The following IRF5 variants were observed in gnomAD, a reference collection of about 807,000 sequenced individuals.
IRF5 encodes interferon regulatory factor 5.
A neutral mutation model predicts 55.1 loss-of-function variants in IRF5; 24 were observed. The observed-to-expected ratio is 0.44, with a 90% confidence interval of 0.32 to 0.61. The LOEUF (loss-of-function observed/expected upper bound fraction) is 0.61, where lower values mean the gene tolerates loss of function less well. Among genes scored for constraint, IRF5 ranks in the 20% least tolerant of loss-of-function variants. The pLI is 0.07. For missense variants in IRF5, 499 were observed against 658.5 expected, an observed-to-expected ratio of 0.76 and a Z score of 2.65; for synonymous variants, 258 against 260.2, an observed-to-expected ratio of 0.99 and a Z score of 0.08.
Position 128,946,400 on chromosome 7 carries a change from G to C in IRF5, c.386-101G>C. On this transcript the variant is annotated intron_variant, in intron 3 of 8. Transcript: ENST00000357234. The surrounding 1 kb of genome is among the most constrained non-coding windows in gnomAD (Gnocchi z 4.2). ...TGTGTTGGGGGCAGCTTTGGGGAAG[G>C]CAGAAGCTGCATAGGAGCTACAGGC... The C allele has an allele frequency of 7.1e-7, 1 of 1,416,048 alleles. No homozygotes were observed. The allele number at this position is 1,416,048 out of a possible 1,614,324, so 87.7% of individuals were successfully genotyped here. A position where few individuals can be genotyped will look rare whatever the true frequency, so the allele number is the denominator to read the frequency against.
rs760567335 is a variant in IRF5, at chr7:128,948,347, A to G, written c.1299+19A>G. 18 of 1,561,618 alleles carry G rather than the reference A, an allele frequency of 1.2e-5. No individual in the cohort carries two copies. In the East Asian group the frequency reaches 3.8e-4, roughly 33 times the overall value. On this transcript the variant is annotated intron_variant, in intron 8 of 8. Coordinates refer to ENST00000357234, the MANE Select transcript of IRF5 (RefSeq NM_001098629.3). The surrounding 1 kb of genome is among the most constrained non-coding windows in gnomAD (Gnocchi z 4.6). ...TGTACAGGTACATCTCCCCTATCCCAAAGTCGGCCTTGGCTTGAAAACTGG... is the reference window on the plus strand; with the variant it reads ...TGTACAGGTACATCTCCCCTATCCCGAAGTCGGCCTTGGCTTGAAAACTGG...
At chr7:128,944,687 T>C (rs902348433) in intron 2 of IRF5, among the ~76,000 whole-genome samples, 1 of 152,256 alleles carries the variant, frequency 6.6e-6, no homozygotes, top group Non-Finnish European at 1.5e-5. Flanking sequence ...TATCCTTTCC[T>C]CTACTTTTCA....
In IRF5 at chr7:128,947,592, G is replaced by A. The variant is rs759807170; in HGVS notation, c.787+57G>A. On this transcript the variant is annotated intron_variant, in intron 6 of 8. Coordinates refer to ENST00000357234, the MANE Select transcript of IRF5 (RefSeq NM_001098629.3). The surrounding 1 kb of genome is among the most constrained non-coding windows in gnomAD (Gnocchi z 6.5). Reference sequence around the variant, plus strand: ...GTGCTGGGGGATTGGGGTAGGATTGGCAAGGAGGGTGGAGGGTGCTGGACT... The same window carrying A: ...GTGCTGGGGGATTGGGGTAGGATTGACAAGGAGGGTGGAGGGTGCTGGACT... 2.6e-6 allele frequency: 4 copies of A among 1,521,470 alleles called. No homozygotes were observed. Among genetic ancestry groups the A allele is most frequent in the Non-Finnish European group, 3.5e-6 (4 of 1,142,734 alleles). 94.2% of individuals were successfully genotyped at this position (1,521,470 alleles called of 1,614,324 possible). A position where few individuals can be genotyped will look rare whatever the true frequency, so the allele number is the denominator to read the frequency against.
rs1796069845 is a variant in IRF5 at position 128,942,285 on chromosome 7, C to CG, written c.195+13dup. 2.5e-6 allele frequency: 4 copies of CG among 1,603,130 alleles called. No individual in the cohort carries two copies. The highest frequency in any genetic ancestry group is 1.3e-5 in the African/African-American group (1 of 74,638). Reference sequence around the variant, plus strand: ...ATAACACCATCTTCAAGGTAAGCCCCGGGGAGGAGGTTGGCTGGACCTCCA... The same window carrying CG: ...ATAACACCATCTTCAAGGTAAGCCCCGGGGGAGGAGGTTGGCTGGACCTCCA... On this transcript the variant is annotated intron_variant, in intron 2 of 8. Transcript: ENST00000357234.
At position 128,946,107 on chromosome 7, in the gene IRF5, G is replaced by A; in HGVS notation, c.385+73G>A. On this transcript the variant is annotated intron_variant, in intron 3 of 8. Coordinates refer to ENST00000357234, the MANE Select transcript of IRF5 (RefSeq NM_001098629.3). The surrounding 1 kb of genome is among the most constrained non-coding windows in gnomAD (Gnocchi z 4.2). ...CCTGGCCCCCAGCCATGAGCTCTTG[G>A]GTGCAGGCAGGCCAAGGGCCCCTCT... is the stretch of plus-strand genomic sequence containing the variant. The A allele has an allele frequency of 7.1e-7, 1 of 1,410,848 alleles. No individual in the cohort carries two copies. Among genetic ancestry groups the A allele is most frequent in the Non-Finnish European group, 9.5e-7 (1 of 1,053,562 alleles). The allele number at this position is 1,410,848 out of a possible 1,614,324, so 87.4% of individuals were successfully genotyped here.
At position 128,946,391 on chromosome 7, in the gene IRF5, T is replaced by G; in HGVS notation, c.386-110T>G. The G allele has an allele frequency of 7.3e-7, 1 of 1,368,274 alleles. No individual in the cohort carries two copies. The highest frequency in any genetic ancestry group is 1.0e-6 in the Non-Finnish European group (1 of 996,374). 84.8% of individuals were successfully genotyped at this position (1,368,274 alleles called of 1,614,324 possible). A position where few individuals can be genotyped will look rare whatever the true frequency, so the allele number is the denominator to read the frequency against. The stretch of plus-strand genomic sequence containing the variant: ...ACCTCGCCCTGTGTTGGGGGCAGCT[T>G]TGGGGAAGGCAGAAGCTGCATAGGA... On this transcript the variant is annotated intron_variant, in intron 3 of 8. Coordinates refer to ENST00000357234, the MANE Select transcript of IRF5 (RefSeq NM_001098629.3). The surrounding 1 kb of genome is among the most constrained non-coding windows in gnomAD (Gnocchi z 4.2).
chr7:128,941,556 G>T (rs967784610), intron 1 of IRF5: 1 of 152,614 alleles, frequency 6.6e-6, no homozygotes, highest in Non-Finnish European at 1.5e-5. Flanking sequence ...TCAGGGGATG[G>T]AGGGTGAGAA....
chr7:128,944,195 G>A (rs910676127), intron 2 of IRF5, among the ~76,000 whole-genome samples: 1 of 152,084 alleles, frequency 6.6e-6, no homozygotes, highest in Non-Finnish European at 1.5e-5. Context: ...ATCACTTTTC[G>A]TGACTGTAGA....
chr7:128,947,444 G>A lies in IRF5; in HGVS notation c.696G>A (p.Glu232=), dbSNP rs1245193334. Residue 232 remains glutamate (E), a synonymous_variant, in exon 6 of 9, where the codon GAG becomes GAA. Transcript: ENST00000357234. This position sits in a 1 kb window ranked among gnomAD's most constrained non-coding sequence, Gnocchi z 6.5. ...NPAGFRELLS[E]VLEPGPLPAS... is the part of the protein sequence containing the mutation. Reference sequence around the variant, plus strand: ...CTGGCTTCAGGGAGCTTCTCTCTGAGGTCCTGGAGCCTGGGCCCCTGCCTG... The same window carrying A: ...CTGGCTTCAGGGAGCTTCTCTCTGAAGTCCTGGAGCCTGGGCCCCTGCCTG... The A allele has an allele frequency of 2.5e-6, 4 of 1,612,108 alleles. No homozygotes were observed. Among genetic ancestry groups the A allele is most frequent in the Non-Finnish European group, 2.5e-6 (3 of 1,179,666 alleles).
At chr7:128,944,116 T>C (rs1436561072) in intron 2 of IRF5, among the ~76,000 whole-genome samples, 3 of 152,230 alleles carry the variant, frequency 2.0e-5, no homozygotes, top group African/African-American at 7.2e-5. Flanking sequence ...CAAGTGAATA[T>C]CTTGATTTAT....
In IRF5 at chr7:128,948,914, G is replaced by A; in HGVS notation, c.*96G>A. On this transcript the variant is annotated 3_prime_UTR_variant, in exon 9 of 9. Transcript: ENST00000357234. This position sits in a 1 kb window ranked among gnomAD's most constrained non-coding sequence, Gnocchi z 4.6. ...CCCGATGAGCACCTGGCTGGCTGCA[G>A]GGTCCTACCTCTGGGTTTCCTGGAA... is the stretch of plus-strand genomic sequence containing the variant. 6.9e-7 allele frequency: 1 copy of A among 1,450,262 alleles called. No homozygotes were observed. The highest frequency in any genetic ancestry group is 1.3e-5 in the South Asian group (1 of 75,944). The allele number at this position is 1,450,262 out of a possible 1,614,324, so 89.8% of individuals were successfully genotyped here.
At position 128,946,892 on chromosome 7, in the gene IRF5, T is replaced by G; in HGVS notation, c.448-131T>G. 2 of 1,140,454 alleles carry G rather than the reference T, an allele frequency of 1.8e-6. No homozygotes were observed. The highest frequency in any genetic ancestry group is 2.6e-6 in the Non-Finnish European group (2 of 763,796). 70.6% of individuals were successfully genotyped at this position (1,140,454 alleles called of 1,614,324 possible). Reference sequence around the variant, plus strand: ...CTGGGACCGGAGGCAGGGTCTTGCCTGAGCTAAACTGAGGCTAGGGGAGTT... The same window carrying G: ...CTGGGACCGGAGGCAGGGTCTTGCCGGAGCTAAACTGAGGCTAGGGGAGTT... On this transcript the variant is annotated intron_variant, in intron 4 of 8. Transcript: ENST00000357234. The surrounding 1 kb of genome is among the most constrained non-coding windows in gnomAD (Gnocchi z 4.2).
Position 128,947,900 on chromosome 7 carries a change from A to C in IRF5, c.959A>C (p.Asp320Ala). 4.3e-6 allele frequency: 7 copies of C among 1,614,100 alleles called. No homozygotes were observed. Among genetic ancestry groups the C allele is most frequent in the Non-Finnish European group, 5.9e-6 (7 of 1,180,012 alleles). The change falls in exon 7 of 9, where the codon GAC becomes GCC. Residue 320 changes from aspartate to alanine, a missense_variant. Physicochemically the swap from Asp to Ala is moderately radical, Grantham distance 126 (BLOSUM62 -2). Around this residue, in one of 2 missense-constraint regions of IRF5, gnomAD observed 194 missense variants for 318.3 expected, o/e 0.61. Coordinates refer to ENST00000357234, the MANE Select transcript of IRF5 (RefSeq NM_001098629.3). The surrounding 1 kb of genome is among the most constrained non-coding windows in gnomAD (Gnocchi z 6.5). ...LEQVRFPSPE[D>A]IPSDKQRFYT... Reference sequence around the variant, plus strand: ...CAAGTGCGCTTCCCCAGCCCTGAGGACATCCCCAGTGACAAGCAGCGCTTC... The same window carrying C: ...CAAGTGCGCTTCCCCAGCCCTGAGGCCATCCCCAGTGACAAGCAGCGCTTC...
Position 128,946,742 on chromosome 7 carries a change from G to C in IRF5, c.447+180G>C. ...CAGTCCCCACCTGCTCCTTCCCAGG[G>C]CATTGTCATTACCCTGTGTGTGTGA... On this transcript the variant is annotated intron_variant, in intron 4 of 8. Coordinates refer to ENST00000357234, the MANE Select transcript of IRF5 (RefSeq NM_001098629.3). The surrounding 1 kb of genome is among the most constrained non-coding windows in gnomAD (Gnocchi z 4.2). 1.6e-6 allele frequency: 1 copy of C among 635,620 alleles called. No individual in the cohort carries two copies. The highest frequency in any genetic ancestry group is 2.8e-6 in the Non-Finnish European group (1 of 357,228). The allele number at this position is 635,620 out of a possible 1,614,324, so 39.4% of individuals were successfully genotyped here. A position where few individuals can be genotyped will look rare whatever the true frequency, so the allele number is the denominator to read the frequency against.
At chr7:128,943,236 GC>G in intron 2 of IRF5, 1 of 191,062 alleles carries the variant, frequency 5.2e-6, no homozygotes, top group South Asian at 5.9e-5. Context: ...TTGCCATGTT[GC>G]CCAGGCTGGT....
chr7:128,938,680 G>C (rs1795863516), intron 1 of IRF5, among the ~76,000 whole-genome samples: 1 of 152,274 alleles, frequency 6.6e-6, no homozygotes, highest in South Asian at 2.1e-4. Flanking sequence ...CTCGTCCCCC[G>C]AGCAGCGGAA....
Position 128,946,490 on chromosome 7 carries a change from C to A in IRF5, c.386-11C>A, listed in dbSNP as rs749950026. 1 of 1,601,730 alleles carries A rather than the reference C, an allele frequency of 6.2e-7. No homozygotes were observed. The stretch of plus-strand genomic sequence containing the variant: ...CCTTTACTGCCCTGCTTTTCTCTCC[C>A]TGCTGTGCAGACTCCCAGCCCCCTG... On this transcript the variant is annotated splice_polypyrimidine_tract_variant and intron_variant, in intron 3 of 8. Transcript: ENST00000357234. The surrounding 1 kb of genome is among the most constrained non-coding windows in gnomAD (Gnocchi z 4.2).
rs938599782 is a variant in IRF5 at position 128,946,331 on chromosome 7, G to C, written c.386-170G>C. 1.3e-5 allele frequency among the ~76,000 whole-genome samples: 2 copies of C among 152,226 alleles called. No homozygotes were observed. The highest frequency in any genetic ancestry group is 4.8e-5 in the African/African-American group (2 of 41,446). On this transcript the variant is annotated intron_variant, in intron 3 of 8. Transcript: ENST00000357234. This position sits in a 1 kb window ranked among gnomAD's most constrained non-coding sequence, Gnocchi z 4.2. ...TAGGTCTCATGGCCCATGGAGTCGG[G>C]GAGGTCTTTCCCAATCCTGGTGGCT...
Position 128,947,697 on chromosome 7 carries a change from AG to A in IRF5, c.788-30del, listed in dbSNP as rs1796396986. ...GCAGAATGGGGAGGCGTGGGGCTCA[AG>A]GACGGGATGGGCCTGCCTTCTGCCC... is the stretch of plus-strand genomic sequence containing the variant. On this transcript the variant is annotated intron_variant, in intron 6 of 8. Transcript: ENST00000357234. The surrounding 1 kb of genome is among the most constrained non-coding windows in gnomAD (Gnocchi z 6.5). 3 of 1,560,562 alleles carry A rather than the reference AG, an allele frequency of 1.9e-6. No individual in the cohort carries two copies. The highest frequency in any genetic ancestry group is 2.6e-6 in the Non-Finnish European group (3 of 1,157,538).
Sources: allele counts gnomAD v4.1 joint callset (sites outside exome capture counted in the v4.1 genomes callset), GRCh38; gene constraint gnomAD v4.1.1; regional missense constraint gnomAD v4.1.1; non-coding constraint Gnocchi (gnomAD v3.1); transcripts MANE v1.5; gene names NCBI Gene and HGNC (gene_info 2026-07-23, HGNC 2026-07-21).